The following GRID2 variants were observed in gnomAD, a reference collection of about 807,000 sequenced individuals.
The protein encoded by GRID2 is glutamate ionotropic receptor delta type subunit 2, also known as glutamate receptor ionotropic, delta-2.
In GRID2, 33 loss-of-function variants were observed where a neutral mutation model predicts 114.8. That is an observed-to-expected ratio of 0.29 (90% CI 0.22 to 0.38). GRID2 has a LOEUF of 0.38. Among genes scored for constraint, GRID2 ranks in the 10% least tolerant of loss-of-function variants. The pLI, the probability that GRID2 is intolerant of heterozygous loss-of-function variation, is 1.00. For synonymous variants in GRID2, 505 were observed against 449.9 expected (o/e 1.12, Z -1.55); for missense variants, 1,184 against 1,257.7 (o/e 0.94, Z 0.89).
chr4:93,272,670 T>A (rs1456284827), intron 8 of GRID2, among the ~76,000 whole-genome samples: 1 of 152,164 alleles, frequency 6.6e-6, no homozygotes, highest in East Asian at 1.9e-4. Flanking sequence ...TTCTGTTTTT[T>A]AAGATAATTC....
chr4:93,262,443 T>A (rs1025786559), intron 8 of GRID2, among the ~76,000 whole-genome samples: 3 of 151,812 alleles, frequency 2.0e-5, no homozygotes, highest in Non-Finnish European at 4.4e-5. Flanking sequence ...AAATATGGAG[T>A]CTTCAGTTTC....
At chr4:93,780,831 GA>G (rs1400354680) in intron 1 of GRID2, among the ~76,000 whole-genome samples, 1 of 152,140 alleles carries the variant, frequency 6.6e-6, no homozygotes, top group Non-Finnish European at 1.5e-5. Context: ...GGGCAGTTTA[GA>G]AAAAGTAAAC....
intron 3 of GRID2, among the ~76,000 whole-genome samples, chr4:93,106,395 G>A (rs1237118782): frequency 6.6e-6 from 1 of 152,112 alleles, no homozygotes; most frequent in Non-Finnish European, 1.5e-5. Flanking sequence ...TGCCCAGGCT[G>A]GAATGCAGTG....
At chr4:92,680,673 T>A (rs560762160) in intron 2 of GRID2, among the ~76,000 whole-genome samples, 1 of 152,212 alleles carries the variant, frequency 6.6e-6, no homozygotes, top group African/African-American at 2.4e-5. Context: ...AATCACAGGG[T>A]CAGAGCTGTA....
intron 4 of GRID2, among the ~76,000 whole-genome samples, chr4:93,166,634 G>A (rs1352723863): frequency 2.6e-5 from 4 of 152,124 alleles, no homozygotes; most frequent in Non-Finnish European, 5.9e-5. Context: ...AACAATCACT[G>A]CTTTATGAGG....
chr4:92,453,265 C>A (rs897148954), intron 1 of GRID2, among the ~76,000 whole-genome samples: 1 of 152,064 alleles, frequency 6.6e-6, no homozygotes, highest in Non-Finnish European at 1.5e-5. Context: ...CTGACAGAAT[C>A]TTGGATGAAG....
intron 2 of GRID2, among the ~76,000 whole-genome samples, chr4:92,917,330 A>G (rs1381245304): frequency 2.6e-5 from 4 of 152,046 alleles, no homozygotes. Flanking sequence ...CTCTGATGGT[A>G]GTTTCTTTTG....
chr4:92,409,505 T>G (rs1311309316), intron 1 of GRID2, among the ~76,000 whole-genome samples: 1 of 152,180 alleles, frequency 6.6e-6, no homozygotes, highest in Non-Finnish European at 1.5e-5. Context: ...TAATATATAG[T>G]ATTACTTTTA....
chr4:92,657,719 T>A (rs1470747891), intron 2 of GRID2, among the ~76,000 whole-genome samples: 2 of 151,784 alleles, frequency 1.3e-5, no homozygotes, highest in African/African-American at 2.4e-5. Context: ...GCAGGATTAG[T>A]TTATTTTAAT....
At chr4:92,956,032 T>G (rs553527015) in intron 2 of GRID2, among the ~76,000 whole-genome samples, 1 of 152,166 alleles carries the variant, frequency 6.6e-6, no homozygotes, top group Non-Finnish European at 1.5e-5. Context: ...CTGGAGCTCT[T>G]AAAAAATAAA....
chr4:93,707,268 G>A (rs1728086863), intron 14 of GRID2, among the ~76,000 whole-genome samples: 3 of 152,022 alleles, frequency 2.0e-5, no homozygotes, highest in Admixed American at 2.0e-4. Context: ...AGTACTTTGA[G>A]AAAAATTGGT....
rs1337238044 is a variant in GRID2, at chr4:93,525,474, AAT to A, written c.2193+10067_2193+10068del. ...CACTGGAACTTGCTAATTGGACATT[AAT>A]ATAATAATTCAAACTAGATGAGCAA... On this transcript the variant is annotated intron_variant, in intron 13 of 15. Coordinates refer to ENST00000282020, the MANE Select transcript of GRID2 (RefSeq NM_001510.4). 2.0e-5 allele frequency among the ~76,000 whole-genome samples: 3 copies of A among 152,308 alleles called. No individual in the cohort carries two copies. In the East Asian group the frequency reaches 5.8e-4, roughly 29 times the overall value.
At chr4:92,529,643 G>T (rs962557858) in intron 1 of GRID2, among the ~76,000 whole-genome samples, 1 of 152,092 alleles carries the variant, frequency 6.6e-6, no homozygotes, top group East Asian at 1.9e-4. Flanking sequence ...ACTAAGCAGG[G>T]ATTGGGTTGT....
In GRID2 at chr4:92,517,579, T is replaced by G. The variant is rs562958961; in HGVS notation, c.89-72552T>G. Among the ~76,000 whole-genome samples, 6 of 152,070 alleles carry G rather than the reference T, an allele frequency of 3.9e-5. No individual in the cohort carries two copies. The East Asian group carries it at 9.7e-4, about 25-fold the overall frequency. On this transcript the variant is annotated intron_variant, in intron 1 of 15. Coordinates refer to ENST00000282020, the MANE Select transcript of GRID2 (RefSeq NM_001510.4). ...ATCTTCTGTTTCCTTTTAACGTATATGAACAAGGTCAGTCATAAATAGTTG... is the reference window on the plus strand; with the variant it reads ...ATCTTCTGTTTCCTTTTAACGTATAGGAACAAGGTCAGTCATAAATAGTTG...
intron 1 of GRID2, among the ~76,000 whole-genome samples, chr4:92,500,677 A>C (rs929058164): frequency 6.6e-6 from 1 of 152,166 alleles, no homozygotes; most frequent in Non-Finnish European, 1.5e-5. Context: ...CTGGCTTTAA[A>C]AGAATACCAG....
chr4:92,659,259 C>T (rs945468969), intron 2 of GRID2, among the ~76,000 whole-genome samples: 6 of 151,526 alleles, frequency 4.0e-5, no homozygotes, highest in African/African-American at 1.5e-4. Flanking sequence ...TTAGTTATTG[C>T]CATTTACATG....
chr4:92,928,459 C>T (rs1382517755), intron 2 of GRID2, among the ~76,000 whole-genome samples: 4 of 151,482 alleles, frequency 2.6e-5, no homozygotes, highest in South Asian at 4.1e-4. Context: ...GGTTCTCATA[C>T]ACGGAGAATT....
intron 5 of GRID2, among the ~76,000 whole-genome samples, chr4:93,212,836 G>A (rs574666186): frequency 7.3e-5 from 11 of 151,204 alleles, no homozygotes; most frequent in East Asian, 5.9e-4. Context: ...ACAATGGCGC[G>A]ATCTTGGCTC....
At chr4:92,438,373 T>C (rs1000522933) in intron 1 of GRID2, among the ~76,000 whole-genome samples, 3 of 152,090 alleles carry the variant, frequency 2.0e-5, no homozygotes, top group African/African-American at 7.2e-5. Context: ...GATGCAATGA[T>C]TGATTATCAT....
Sources: gnomAD v4.1 joint callset for allele counts (sites outside exome capture counted in the v4.1 genomes callset) on GRCh38, gnomAD v4.1.1 for gene constraint, MANE v1.5 for transcripts, NCBI Gene and HGNC (gene_info 2026-07-23, HGNC 2026-07-21) for gene names.